DOCK4: variants seen among roughly 807,000 people sequenced by gnomAD.
DOCK4 encodes dedicator of cytokinesis protein 4.
Under a neutral mutation model 268.1 loss-of-function variants are expected in DOCK4, and 97 were observed. The observed-to-expected ratio is 0.36, with a 90% CI of 0.31 to 0.43. The LOEUF is 0.43. Among genes scored for constraint, DOCK4 ranks in the 20% least tolerant of loss-of-function variants. The pLI is 1.00. For missense variants in DOCK4, 2,145 were observed against 2,455.7 expected (o/e 0.87, Z 2.67); for synonymous variants, 954 against 887.2 (o/e 1.08, Z -1.34).
At chr7:111,991,942 C>G (rs1799568175) in intron 5 of DOCK4, among the ~76,000 whole-genome samples, 1 of 112,552 alleles carries the variant, frequency 8.9e-6, no homozygotes, top group Non-Finnish European at 1.6e-5. Flanking sequence ...GCCTGGGCAA[C>G]AGAGAGAGAC....
chr7:112,175,685 A>G (rs940401906), intron 1 of DOCK4, among the ~76,000 whole-genome samples: 6 of 152,206 alleles, frequency 3.9e-5, no homozygotes, highest in Admixed American at 6.5e-5. Context: ...ATAAATGATT[A>G]TAAGAATAAA....
At chr7:112,155,924 A>T (rs1816572282) in intron 1 of DOCK4, among the ~76,000 whole-genome samples, 1 of 152,194 alleles carries the variant, frequency 6.6e-6, no homozygotes, top group Non-Finnish European at 1.5e-5. Flanking sequence ...ATAAATTTTT[A>T]ATTTTATTTA....
chr7:112,044,942 G>A (rs948777612), intron 1 of DOCK4, among the ~76,000 whole-genome samples: 1 of 151,966 alleles, frequency 6.6e-6, no homozygotes, highest in Non-Finnish European at 1.5e-5. Context: ...TGCTTCATGG[G>A]GCAATGCCTA....
At chr7:112,095,949 G>T (rs1810087328) in intron 1 of DOCK4, among the ~76,000 whole-genome samples, 1 of 151,618 alleles carries the variant, frequency 6.6e-6, no homozygotes. Context: ...AATTAGCCAG[G>T]CATGGTGGCA....
chr7:111,859,330 C>A (rs1395140139), intron 23 of DOCK4, among the ~76,000 whole-genome samples: 1 of 152,132 alleles, frequency 6.6e-6, no homozygotes, highest in Non-Finnish European at 1.5e-5. Flanking sequence ...GTCACAGCAG[C>A]AATGGGAAAT....
chr7:111,791,280 C>CACACACACACACACACACAA (rs1202429628), intron 30 of DOCK4, among the ~76,000 whole-genome samples: 2 of 149,442 alleles, frequency 1.3e-5, no homozygotes, highest in East Asian at 3.9e-4. Context: ...AAAAAATACA[C>CACACACACACACACACACAA]ACACACACAC....
intron 39 of DOCK4, among the ~76,000 whole-genome samples, chr7:111,761,600 A>G (rs1303486562): frequency 3.3e-5 from 5 of 152,026 alleles, no homozygotes; most frequent in African/African-American, 1.2e-4. Flanking sequence ...TTTCCGCTCT[A>G]TGAGGTTCTT....
intron 1 of DOCK4, among the ~76,000 whole-genome samples, chr7:112,118,767 G>C (rs748278924): frequency 3.3e-5 from 5 of 151,024 alleles, no homozygotes; most frequent in Non-Finnish European, 5.9e-5. Context: ...TTTGGCAAGG[G>C]GAGAGGAAGC....
Position 111,739,260 on chromosome 7 carries a change from A to C in DOCK4, c.5123-17T>G. 2 of 1,609,276 alleles carry C rather than the reference A, an allele frequency of 1.2e-6. No homozygotes were observed. The highest frequency in any genetic ancestry group is 1.7e-6 in the Non-Finnish European group (2 of 1,175,596). ...AAGGAGAAGCTGGGAAGAGAAGGAG[A>C]GAGAGGATCATCAGCATGGTAGTGG... is the stretch of plus-strand genomic sequence containing the variant. On this transcript the variant is annotated splice_polypyrimidine_tract_variant and intron_variant, in intron 48 of 52. Coordinates refer to ENST00000428084, the MANE Select transcript of DOCK4 (RefSeq NM_001363540.2).
chr7:111,840,647 T>A lies in DOCK4; in HGVS notation c.2736+4116A>T, dbSNP rs1339582288. 3 of 245,166 alleles carry A rather than the reference T, an allele frequency of 1.2e-5. No individual in the cohort carries two copies. In the South Asian group the frequency reaches 1.7e-4, roughly 14 times the overall value. The allele number at this position is 245,166 out of a possible 1,614,324, so 15.2% of individuals were successfully genotyped here. On this transcript the variant is annotated intron_variant, in intron 25 of 52. Transcript: ENST00000428084. ...AGGCCTCTGTTATCTGGAACTATGA[T>A]ACAGCAGACGCCAGTGCTCATGCTG...
intron 1 of DOCK4, among the ~76,000 whole-genome samples, chr7:112,069,679 T>G (rs1452474023): frequency 6.6e-6 from 1 of 152,114 alleles, no homozygotes. Flanking sequence ...TGGTGGTGGA[T>G]ATACGGTGAC....
At chr7:112,127,895 G>A (rs532416556) in intron 1 of DOCK4, among the ~76,000 whole-genome samples, 1 of 152,228 alleles carries the variant, frequency 6.6e-6, no homozygotes, top group African/African-American at 2.4e-5. Context: ...CGGGCATGGT[G>A]GTGCACACCT....
intron 30 of DOCK4, among the ~76,000 whole-genome samples, chr7:111,797,340 A>T (rs1309245957): frequency 6.6e-6 from 1 of 152,168 alleles, no homozygotes; most frequent in Non-Finnish European, 1.5e-5. Flanking sequence ...TTCCCTTCTC[A>T]TTATAGAACC....
intron 1 of DOCK4, among the ~76,000 whole-genome samples, chr7:112,184,090 T>C (rs1819282794): frequency 1.3e-5 from 2 of 152,188 alleles, no homozygotes; most frequent in South Asian, 4.1e-4. Flanking sequence ...TTGAGTTCTT[T>C]GGAATTCACT....
chr7:111,907,060 G>T (rs1791640278), intron 13 of DOCK4, among the ~76,000 whole-genome samples: 1 of 152,144 alleles, frequency 6.6e-6, no homozygotes, highest in Non-Finnish European at 1.5e-5. Flanking sequence ...GAAGGAATGG[G>T]AGCAGGACTC....
chr7:111,837,939 A>T (rs1803356477), intron 25 of DOCK4, among the ~76,000 whole-genome samples: 1 of 151,926 alleles, frequency 6.6e-6, no homozygotes, highest in South Asian at 2.1e-4. Context: ...ATACAAAATT[A>T]GCCGGGTGTA....
At chr7:111,901,126 G>C (rs1791106079) in intron 14 of DOCK4, among the ~76,000 whole-genome samples, 1 of 152,134 alleles carries the variant, frequency 6.6e-6, no homozygotes. Flanking sequence ...TTGAGGCCAG[G>C]AGTTCGAGAC....
chr7:112,052,350 C>A (rs1805440336), intron 1 of DOCK4, among the ~76,000 whole-genome samples: 1 of 152,024 alleles, frequency 6.6e-6, no homozygotes. Context: ...CACCGTTTAA[C>A]CTCCAAGTCC....
intron 42 of DOCK4, among the ~76,000 whole-genome samples, chr7:111,750,856 C>T (rs1200049637): frequency 2.0e-5 from 3 of 152,112 alleles, no homozygotes; most frequent in Non-Finnish European, 4.4e-5. Flanking sequence ...TAAAACAAAA[C>T]AAATATACTT....
Sources: gnomAD v4.1 joint callset for allele counts (sites outside exome capture counted in the v4.1 genomes callset) on GRCh38, gnomAD v4.1.1 for gene constraint, MANE v1.5 for transcripts, NCBI Gene and HGNC (gene_info 2026-07-23, HGNC 2026-07-21) for gene names.